The following BAG5 variants were observed in gnomAD, a reference collection of about 807,000 sequenced individuals.
BAG5 encodes BAG family molecular chaperone regulator 5.
BAG5 carries 25 observed loss-of-function variants against 31.8 expected under a neutral mutation model. The ratio of observed to expected loss-of-function variants is 0.79; its 90% CI spans 0.57 to 1.10. BAG5 has a LOEUF of 1.10. Ranked by LOEUF, BAG5 falls within the 50% of genes least tolerant of loss-of-function variation. The pLI is 0.00. For synonymous variants in BAG5, 208 were observed against 205.0 expected (o/e 1.01, Z -0.13); for missense variants, 491 against 527.9 (o/e 0.93, Z 0.68).
chr14:103,561,605 AAAAG>A (rs1287089910), intron 1 of BAG5, among the ~76,000 whole-genome samples: 5 of 152,330 alleles, frequency 3.3e-5, no homozygotes, highest in African/African-American at 9.6e-5. Context: ...AACTCTAAGC[AAAAG>A]AAAGAACCAG....
Position 103,560,936 on chromosome 14 carries a change from GT to G in BAG5, c.228del (p.Glu76AspfsTer30). On this transcript the variant is annotated frameshift_variant, in exon 2 of 2. Transcript: ENST00000299204. LOFTEE classifies it high-confidence loss of function. Reference protein sequence around the residue: ...QARKRAAQETERLLKELEQNA... With the variant: ...QARKRAAQETXRLLKELEQNA... ...TTCTGCTCCAACTCTTTGAGAAGAC[GT>G]TCTGTCTCCTGTGCTGCCCGCTTCC... is the stretch of plus-strand genomic sequence containing the variant. 3 of 1,614,114 alleles carry G rather than the reference GT, an allele frequency of 1.9e-6. No homozygotes were observed. The highest frequency in any genetic ancestry group is 2.5e-6 in the Non-Finnish European group (3 of 1,180,020).
Position 103,560,770 on chromosome 14 carries a change from A to G in BAG5, c.395T>C (p.Leu132Pro), listed in dbSNP as rs757588826. Residue 132 changes from leucine (L) to proline (P), a missense_variant, in exon 2 of 2, where the codon CTG becomes CCG. Leu to Pro is a moderately conservative substitution (Grantham distance 98, BLOSUM62 -3). Transcript: ENST00000299204. Reference protein sequence around the residue: ...EFEEGIQDIILRLTHVKTGGK... With the variant: ...EFEEGIQDIIPRLTHVKTGGK... ...TCCAGTTTTAACATGTGTCAGCCTC[A>G]GAATGATATCTTGGATGCCTTCTTC... 3 of 1,614,048 alleles carry G rather than the reference A, an allele frequency of 1.9e-6. No homozygotes were observed. The South Asian group carries it at 3.3e-5, about 18-fold the overall frequency.
intron 1 of BAG5, chr14:103,561,937 C>G (rs1300474372): frequency 6.2e-7 from 1 of 1,613,392 alleles, no homozygotes; most frequent in South Asian, 1.1e-5. Context: ...CCACAATGGC[C>G]TAATGCACGT....
chr14:103,562,277 G>A, intron 1 of BAG5: 1 of 448,428 alleles, frequency 2.2e-6, no homozygotes, highest in South Asian at 2.5e-5. Context: ...GGCTGCAGCA[G>A]CCGCTCCGGG....
rs1206827892 is a variant in BAG5, at chr14:103,559,548, CTCT to C, written c.*270_*272del. On this transcript the variant is annotated 3_prime_UTR_variant, in exon 2 of 2. Transcript: ENST00000299204. ...CCCATTTAAAATCTACAAAAGCTGC[CTCT>C]ATTTTGTTTTCTGATTAAAAACGCA... is the stretch of plus-strand genomic sequence containing the variant. 1 of 346,058 alleles carries C rather than the reference CTCT, an allele frequency of 2.9e-6. No homozygotes were observed. Among genetic ancestry groups the C allele is most frequent in the Non-Finnish European group, 5.3e-6 (1 of 190,000 alleles). The allele number at this position is 346,058 out of a possible 1,614,324, so 21.4% of individuals were successfully genotyped here. A position where few individuals can be genotyped will look rare whatever the true frequency, so the allele number is the denominator to read the frequency against.
In BAG5 at chr14:103,559,907, A is replaced by G. The variant is rs780772052; in HGVS notation, c.1258T>C (p.Cys420Arg). The G allele has an allele frequency of 1.1e-5, 17 of 1,614,018 alleles. No individual in the cohort carries two copies. In the Admixed American group the frequency reaches 1.7e-4, roughly 16 times the overall value. The change falls in exon 2 of 2, where the codon TGT (cysteine) becomes CGT (arginine). Residue 420 changes from cysteine (C) to arginine (R), a missense_variant. Physicochemically the swap from Cys to Arg is radical, Grantham distance 180. Transcript: ENST00000299204. ...DAVDPQGEEK[C>R]KAARKQAVRL... ...ACAGCTTGTTTCCTGGCAGCCTTAC[A>G]CTTCTCTTCTCCCTGCGGATCAACA...
At chr14:103,562,226 G>A (rs1322875716) in intron 1 of BAG5, 7 of 571,112 alleles carry the variant, frequency 1.2e-5, no homozygotes, top group East Asian at 5.9e-5. Context: ...CACCCCTCCC[G>A]ACTAGGTCTG....
chr14:103,562,188 G>A (rs2076082921), intron 1 of BAG5: 2 of 602,362 alleles, frequency 3.3e-6, no homozygotes, highest in African/African-American at 1.8e-5. Context: ...GTGCGGCACC[G>A]GAGCTGGGCC....
In BAG5 at chr14:103,560,473, TCTAGAG is replaced by T; in HGVS notation, c.686_691del (p.Ala229_Leu230del). 1 of 1,614,092 alleles carries T rather than the reference TCTAGAG, an allele frequency of 6.2e-7. No homozygotes were observed. Among genetic ancestry groups the T allele is most frequent in the Non-Finnish European group, 8.5e-7 (1 of 1,180,020 alleles). Reference sequence around the variant, plus strand: ...TCTGATTTCTGTCCGGCCGCACACATCTAGAGCATCCAGGTCAGCGATCAGCCCCGA... The same window carrying T: ...TCTGATTTCTGTCCGGCCGCACACATCATCCAGGTCAGCGATCAGCCCCGA... On this transcript the variant is annotated inframe_deletion, in exon 2 of 2. Transcript: ENST00000299204.
In BAG5 at chr14:103,558,981, C is replaced by T. The variant is rs1328945139; in HGVS notation, c.*840G>A. On this transcript the variant is annotated 3_prime_UTR_variant, in exon 2 of 2. Coordinates refer to ENST00000299204, the MANE Select transcript of BAG5 (RefSeq NM_001015048.3). ...CCCGTCTCCAGTATTCATCCTCCAACTACAGGTATGAGTGTTTCCTTTTTT... is the reference window on the plus strand; with the variant it reads ...CCCGTCTCCAGTATTCATCCTCCAATTACAGGTATGAGTGTTTCCTTTTTT... The T allele has an allele frequency of 6.7e-6, 1 of 149,318 alleles. No homozygotes were observed. The highest frequency in any genetic ancestry group is 1.5e-5 in the Non-Finnish European group (1 of 67,500). The allele number at this position is 149,318 out of a possible 1,614,324, so 9.2% of individuals were successfully genotyped here. A position where few individuals can be genotyped will look rare whatever the true frequency, so the allele number is the denominator to read the frequency against.
Position 103,560,341 on chromosome 14 carries a change from G to A in BAG5, c.824C>T (p.Ser275Phe). Residue 275 changes from serine to phenylalanine, a missense_variant, in exon 2 of 2, where the codon TCC (serine) becomes TTC (phenylalanine). Transcript: ENST00000299204. ...TKAFDLRQNH[S>F]ILKIEKVLKR... ...GAGGACCTTTTCTATTTTTAAAATG[G>A]AATGATTCTGTCTCAGGTCAAATGC... is the stretch of plus-strand genomic sequence containing the variant. 6.2e-7 allele frequency: 1 copy of A among 1,614,000 alleles called. No individual in the cohort carries two copies. Among genetic ancestry groups the A allele is most frequent in the African/African-American group, 1.3e-5 (1 of 74,980 alleles).
At chr14:103,562,469 G>A (rs55751606) in intron 1 of BAG5, 147 bp downstream of exon 1, 40,913 of 187,332 alleles carry the variant, frequency 0.22, 5,641 homozygotes, top group East Asian at 0.34. Flanking sequence ...GGACAGCGCC[G>A]AGACCGACTC....
Position 103,560,690 on chromosome 14 carries a change from C to G in BAG5, c.475G>C (p.Val159Leu). ...RYHTLTKICA[V>L]QEIIEDCMKK... ...ATGCAGTCTTCGATTATCTCTTGCA[C>G]CGCACAGATTTTGGTTAAAGTGTGA... Residue 159 changes from valine to leucine, a missense_variant, in exon 2 of 2, where the codon GTG becomes CTG. By Grantham distance (32) the Val-to-Leu change is conservative. Transcript: ENST00000299204. 1 of 1,614,130 alleles carries G rather than the reference C, an allele frequency of 6.2e-7. No homozygotes were observed. Among genetic ancestry groups the G allele is most frequent in the Non-Finnish European group, 8.5e-7 (1 of 1,180,026 alleles).
chr14:103,560,186 A>G lies in BAG5; in HGVS notation c.979T>C (p.Cys327Arg), dbSNP rs2076061980. The change falls in exon 2 of 2, where the codon TGC (cysteine) becomes CGC (arginine). Residue 327 changes from cysteine to arginine, a missense_variant. Cys to Arg is a radical substitution (Grantham distance 180). Coordinates refer to ENST00000299204, the MANE Select transcript of BAG5 (RefSeq NM_001015048.3). Reference sequence around the variant, plus strand: ...GCTCTTCTCCTGGCTTCCCGGATGCAGGGGTTTTTTTCAAGACTTACCTCA... The same window carrying G: ...GCTCTTCTCCTGGCTTCCCGGATGCGGGGGTTTTTTTCAAGACTTACCTCA... ...LDEVSLEKNP[C>R]IREARRRAVI... 1.2e-6 allele frequency: 2 copies of G among 1,611,754 alleles called. No homozygotes were observed. Among genetic ancestry groups the G allele is most frequent in the Non-Finnish European group, 1.7e-6 (2 of 1,178,620 alleles).
intron 1 of BAG5, chr14:103,562,238 G>C (rs1208063685): frequency 7.4e-6 from 4 of 542,768 alleles, no homozygotes; most frequent in Non-Finnish European, 9.9e-6. Context: ...CTAGGTCTGA[G>C]CGGGGCAGCC....
At chr14:103,561,711 G>T in intron 1 of BAG5, 1 of 563,566 alleles carries the variant, frequency 1.8e-6, no homozygotes, top group Non-Finnish European at 3.2e-6. Flanking sequence ...CACCCTTTTA[G>T]CTCCTCACAC....
At position 103,560,108 on chromosome 14, in the gene BAG5, C is replaced by T; in HGVS notation, c.1057G>A (p.Glu353Lys). 3 of 1,614,166 alleles carry T rather than the reference C, an allele frequency of 1.9e-6. No individual in the cohort carries two copies. The highest frequency in any genetic ancestry group is 2.5e-6 in the Non-Finnish European group (3 of 1,180,036). Residue 353 changes from glutamate to lysine, a missense_variant, in exon 2 of 2, where the codon GAG becomes AAG. Physicochemically the swap from Glu to Lys is moderately conservative, Grantham distance 56 (BLOSUM62 1). Transcript: ENST00000299204. ...TCACAAGCAAACAGCTTTCTTTTCT[C>T]AAGGGCCTCCTTCAAGTCAATATAT... ...ITYIDLKEAL[E>K]KRKLFACEEH...
intron 1 of BAG5, chr14:103,562,087 C>A: frequency 1.1e-6 from 1 of 951,920 alleles, no homozygotes. Flanking sequence ...GCCCTTCCCT[C>A]TTGGCCCTTT....
intron 1 of BAG5, chr14:103,561,970 A>G (rs768892721): frequency 1.2e-6 from 2 of 1,613,990 alleles, no homozygotes; most frequent in Non-Finnish European, 1.7e-6. Context: ...GTTTCTATCA[A>G]ACGGCTCGCT....
Sources: allele counts gnomAD v4.1 joint callset (sites outside exome capture counted in the v4.1 genomes callset), GRCh38; gene constraint gnomAD v4.1.1; transcripts MANE v1.5; gene names NCBI Gene and HGNC (gene_info 2026-07-23, HGNC 2026-07-21).